Variants in HAVCR1 observed in about 807,000 individuals in gnomAD.
The protein encoded by HAVCR1 is T cell immunoglobin domain and mucin domain protein 1.
In HAVCR1, 34 loss-of-function variants were observed where a neutral mutation model predicts 32.0. The observed-to-expected ratio is 1.06, with a 90% CI of 0.81 to 1.42. HAVCR1 has a LOEUF of 1.42. Among genes scored for constraint, HAVCR1 ranks in the 40% most tolerant of loss-of-function variants. The probability of loss-of-function intolerance (pLI) is 0.00; values close to 1 mark genes in which losing one functional copy is unlikely to be tolerated. For synonymous variants in HAVCR1, 178 were observed against 170.3 expected, an observed-to-expected ratio of 1.05 and a Z score of -0.35; for missense variants, 420 against 442.3, an observed-to-expected ratio of 0.95 and a Z score of 0.45.
At chr5:157,049,823 G>C (rs148492698) in intron 4 of HAVCR1, among the ~76,000 whole-genome samples, 1 of 152,162 alleles carries the variant, frequency 6.6e-6, no homozygotes, top group African/African-American at 2.4e-5. Flanking sequence ...CATTCCTTTA[G>C]GGGTGATTTC....
Position 157,044,663 on chromosome 5 carries a change from A to AAG in HAVCR1, c.782-1983_782-1982dup, listed in dbSNP as rs370722191. On this transcript the variant is annotated intron_variant, in intron 5 of 8. Coordinates refer to ENST00000523175, the MANE Select transcript of HAVCR1 (RefSeq NM_001173393.3). ...AAAGAAAGAAAGAAAGAAAGAAAGA[A>AAG]AGAAAGAAAGAAAGGAGGGAGGGAG... is the stretch of plus-strand genomic sequence containing the variant. 6.0e-3 allele frequency among the ~76,000 whole-genome samples: 855 copies of AAG among 141,634 alleles called. 52 individuals are homozygous for AAG. Among genetic ancestry groups the AAG allele is most frequent in the African/African-American group, 0.022 (811 of 36,334 alleles). 92.9% of individuals were successfully genotyped at this position (141,634 alleles called of 152,430 possible).
At chr5:157,030,596 T>C (rs1349562732) in intron 8 of HAVCR1, among the ~76,000 whole-genome samples, 1 of 151,220 alleles carries the variant, frequency 6.6e-6, no homozygotes. Flanking sequence ...GAGGTTGCAG[T>C]GAGCCGAGAT....
chr5:157,045,277 A>G (rs1337287980), intron 5 of HAVCR1, among the ~76,000 whole-genome samples: 1 of 152,190 alleles, frequency 6.6e-6, no homozygotes, highest in Non-Finnish European at 1.5e-5. Context: ...AAAACTGCAG[A>G]TAAGGGGAAA....
the HAVCR1 span, among the ~76,000 whole-genome samples, chr5:157,066,876 C>T: frequency 6.6e-6 from 1 of 152,072 alleles, no homozygotes; most frequent in African/African-American, 2.4e-5. Context: ...CACTGGAGGT[C>T]GGGAGTTCGA....
At chr5:157,032,096 A>G (rs939593478) in intron 8 of HAVCR1, among the ~76,000 whole-genome samples, 2 of 151,998 alleles carry the variant, frequency 1.3e-5, no homozygotes, top group African/African-American at 4.9e-5. Context: ...ATCTGTAAGC[A>G]TGTAAAAGAA....
chr5:157,065,854 C>CAA, the HAVCR1 span, among the ~76,000 whole-genome samples: 1,017 of 142,084 alleles, frequency 7.2e-3, 11 homozygotes, highest in African/African-American at 0.017. Flanking sequence ...GACTCCGTCT[C>CAA]AAAAAAAAAA....
Position 157,055,482 on chromosome 5 carries a change from G to T in HAVCR1, c.98C>A (p.Thr33Lys), listed in dbSNP as rs1328664180. The change falls in exon 3 of 9, where the codon ACA (threonine) becomes AAA (lysine). Residue 33 changes from threonine to lysine, a missense_variant. Physicochemically the swap from Thr to Lys is moderately conservative, Grantham distance 78. Coordinates refer to ENST00000523175, the MANE Select transcript of HAVCR1 (RefSeq NM_001173393.3). Reference sequence around the variant, plus strand: ...AGCTCCACTGTAGTGGCAGGGTAGTGTGACAGATGGACCTGCCTCTCCACC... The same window carrying T: ...AGCTCCACTGTAGTGGCAGGGTAGTTTGACAGATGGACCTGCCTCTCCACC... ...KVGGEAGPSVTLPCHYSGAVT... is the reference protein window; with the variant it reads ...KVGGEAGPSVKLPCHYSGAVT... 5.0e-6 allele frequency: 8 copies of T among 1,605,384 alleles called. 1 individual carries two copies. The East Asian group carries it at 1.8e-4, about 36-fold the overall frequency.
Position 157,052,470 on chromosome 5 carries a change from C to T in HAVCR1, c.564G>A (p.Thr188=), listed in dbSNP as rs759408704. The stretch of plus-strand genomic sequence containing the variant: ...GAATGCTCGTTGTCGTTGGAACGCT[C>T]GTTGTCGTTGAAACAGTCATTGTCG... ...VLTTMTVSTT[T]SVPTTTSIPT... The change falls in exon 4 of 9, where the codon ACG becomes ACA. Residue 188 remains threonine, a synonymous_variant. Transcript: ENST00000523175. 23 of 1,602,682 alleles carry T rather than the reference C, an allele frequency of 1.4e-5. No individual in the cohort carries two copies. Among genetic ancestry groups the T allele is most frequent in the African/African-American group, 6.7e-5 (5 of 74,462 alleles).
At position 157,052,400 on chromosome 5, in the gene HAVCR1, C is replaced by A; in HGVS notation, c.634G>T (p.Val212Phe). 1 of 1,614,060 alleles carries A rather than the reference C, an allele frequency of 6.2e-7. No individual in the cohort carries two copies. The highest frequency in any genetic ancestry group is 1.3e-5 in the African/African-American group (1 of 74,960). The change falls in exon 4 of 9, where the codon GTT becomes TTT. Residue 212 changes from valine (V) to phenylalanine (F), a missense_variant. By Grantham distance (50) the Val-to-Phe change is conservative. Coordinates refer to ENST00000523175, the MANE Select transcript of HAVCR1 (RefSeq NM_001173393.3). The part of the protein sequence containing the change: ...VPVTTTVSTF[V>F]PPMPLPRQNH... Reference sequence around the variant, plus strand: ...TGCCTGGGCAAAGGCATTGGAGGAACAAAGGTAGAGACAGTTGTTGTCACT... The same window carrying A: ...TGCCTGGGCAAAGGCATTGGAGGAAAAAAGGTAGAGACAGTTGTTGTCACT...
In HAVCR1 at chr5:157,055,376, G is replaced by A. The variant is rs191117891; in HGVS notation, c.204C>T (p.His68=). The A allele has an allele frequency of 1.2e-3, 1,941 of 1,613,660 alleles. 10 individuals are homozygous for A. The Middle Eastern group carries it at 0.013, about 11-fold the overall frequency. Residue 68 remains histidine, a synonymous_variant, in exon 3 of 9, where the codon CAC becomes CAT. Coordinates refer to ENST00000523175, the MANE Select transcript of HAVCR1 (RefSeq NM_001173393.3). ...QNGIVWTNGT[H]VTYRKDTRYK... The stretch of plus-strand genomic sequence containing the variant: ...AGCGTGTGTCCTTCCGATAGGTGAC[G>A]TGGGTTCCATTGGTCCAGACAATGC...
At chr5:157,057,457 AAG>A (rs1324748201) in intron 2 of HAVCR1, among the ~76,000 whole-genome samples, 1 of 115,506 alleles carries the variant, frequency 8.7e-6, no homozygotes, top group Non-Finnish European at 1.9e-5. Context: ...GAAAGAAAGA[AAG>A]AAAGAGAATT....
upstream of HAVCR1, among the ~76,000 whole-genome samples, chr5:157,062,488 C>T (rs984012055): frequency 2.0e-5 from 3 of 152,230 alleles, no homozygotes; most frequent in Non-Finnish European, 4.4e-5. Context: ...TCCTGCAAAA[C>T]AGTTCAGCTG....
Position 157,044,599 on chromosome 5 carries a change from GAAAGAAAGAAAGAAAGAGAAAGAA to G in HAVCR1, c.782-1941_782-1918del, listed in dbSNP as rs1755200038. 1.3e-4 allele frequency among the ~76,000 whole-genome samples: 10 copies of G among 78,760 alleles called. No individual in the cohort carries two copies. In the South Asian group the frequency reaches 4.4e-3, roughly 35 times the overall value. The allele number at this position is 78,760 out of a possible 152,430, so 51.7% of individuals were successfully genotyped here. On this transcript the variant is annotated intron_variant, in intron 5 of 8. Transcript: ENST00000523175. ...ACAAAGAAAGAAGGAAAGAAAGAAAGAAAGAAAGAAAGAAAGAGAAAGAAAGAAAGAAAGAAAGAAAGAAAGAAA... is the reference window on the plus strand; with the variant it reads ...ACAAAGAAAGAAGGAAAGAAAGAAAGAGAAAGAAAGAAAGAAAGAAAGAAA...
rs560015627 is a variant in HAVCR1 at position 157,032,039 on chromosome 5, CTCAA to C, written c.986+811_986+814del. Among the ~76,000 whole-genome samples, 532 of 152,302 alleles carry C rather than the reference CTCAA, an allele frequency of 3.5e-3. 3 individuals carry two copies. The highest frequency in any genetic ancestry group is 0.012 in the African/African-American group (505 of 41,554). On this transcript the variant is annotated intron_variant, in intron 8 of 8. Transcript: ENST00000523175. ...CTCCAAATTAGCTGCTTTCTTGGCA[CTCAA>C]TCAAACAGATCCTTATCCTGTTCTA... is the stretch of plus-strand genomic sequence containing the variant.
chr5:157,052,165 C>T (rs1755775185), intron 4 of HAVCR1, among the ~76,000 whole-genome samples, 196 bp downstream of exon 4: 1 of 152,234 alleles, frequency 6.6e-6, no homozygotes, highest in South Asian at 2.1e-4. Context: ...GGTCCCCTCA[C>T]TCCAAAAATG....
At chr5:157,043,043 C>T (rs1755007660) in intron 5 of HAVCR1, among the ~76,000 whole-genome samples, 1 of 152,154 alleles carries the variant, frequency 6.6e-6, no homozygotes, top group Non-Finnish European at 1.5e-5. Context: ...TACTTTTATG[C>T]TATCTAAACA....
chr5:157,064,355 A>C, the HAVCR1 span, among the ~76,000 whole-genome samples: 1 of 144,802 alleles, frequency 6.9e-6, no homozygotes, highest in Admixed American at 6.9e-5. Context: ...AAAAAAAAAA[A>C]GAAAGAAAAA....
chr5:157,049,032 A>G lies in HAVCR1; in HGVS notation c.781+6T>C. On this transcript the variant is annotated splice_donor_region_variant and intron_variant, in intron 5 of 8. Coordinates refer to ENST00000523175, the MANE Select transcript of HAVCR1 (RefSeq NM_001173393.3). ...CCCAGGTCTTCAGGAAAGAGAACGC[A>G]GTTACCTGTTGTGTAAGAGTACAAT... 1.3e-6 allele frequency: 2 copies of G among 1,486,114 alleles called. No homozygotes were observed. The highest frequency in any genetic ancestry group is 1.9e-6 in the Non-Finnish European group (2 of 1,063,172). 92.1% of individuals were successfully genotyped at this position (1,486,114 alleles called of 1,614,324 possible).
intron 6 of HAVCR1, among the ~76,000 whole-genome samples, chr5:157,041,098 G>A (rs1172591486): frequency 6.6e-6 from 1 of 152,136 alleles, no homozygotes; most frequent in African/African-American, 2.4e-5. Flanking sequence ...ACTTTGATGA[G>A]CATCATAAGA....
Sources: gnomAD v4.1 joint callset for allele counts (sites outside exome capture counted in the v4.1 genomes callset) on GRCh38, gnomAD v4.1.1 for gene constraint, MANE v1.5 for transcripts, NCBI Gene and HGNC (gene_info 2026-07-23, HGNC 2026-07-21) for gene names.